The following GOLGA2 variants were observed in gnomAD, a reference collection of about 807,000 sequenced individuals.
The protein encoded by GOLGA2 is golgin subfamily A member 2.
Under a neutral mutation model 148.8 loss-of-function variants are expected in GOLGA2, and 49 were observed. The ratio of observed to expected loss-of-function variants is 0.33; its 90% CI spans 0.26 to 0.42. The LOEUF (loss-of-function observed/expected upper bound fraction) is 0.42. Among genes scored for constraint, GOLGA2 ranks in the 10% least tolerant of loss-of-function variants. The pLI is 1.00. For missense variants in GOLGA2, 1,178 were observed against 1,304.6 expected (o/e 0.90, Z 1.49); for synonymous variants, 501 against 511.8 (o/e 0.98, Z 0.28).
intron 12 of GOLGA2, among the ~76,000 whole-genome samples, chr9:128,264,238 T>C (rs1401690650): frequency 6.6e-6 from 1 of 150,700 alleles, no homozygotes; most frequent in East Asian, 2.0e-4. Flanking sequence ...TATGTATGTA[T>C]ATATGTATTT....
In GOLGA2 at chr9:128,257,922, G is replaced by A. The variant is rs780638770; in HGVS notation, c.2509-30C>T. On this transcript the variant is annotated intron_variant, in intron 23 of 26. Transcript: ENST00000611957. The surrounding 1 kb of genome is among the most constrained non-coding windows in gnomAD (Gnocchi z 8.0). ...AACCAAAATAATGGAGTCATATATC[G>A]GCAGCGACCTGCCCCGCCCCCACCC... The A allele has an allele frequency of 8.7e-6, 14 of 1,610,102 alleles. No homozygotes were observed. The highest frequency in any genetic ancestry group is 6.7e-5 in the Admixed American group (4 of 59,974).
At position 128,267,509 on chromosome 9, in the gene GOLGA2, T is replaced by G. The variant is rs754013748; in HGVS notation, c.510A>C (p.Thr170=). 1 of 1,612,282 alleles carries G rather than the reference T, an allele frequency of 6.2e-7. No individual in the cohort carries two copies. The highest frequency in any genetic ancestry group is 1.1e-5 in the South Asian group (1 of 91,038). Residue 170 remains threonine, a synonymous_variant, in exon 7 of 27, where the codon ACA becomes ACC. Coordinates refer to ENST00000611957, the MANE Select transcript of GOLGA2 (RefSeq NM_001366244.2). ...QLNGLVCESA[T]CVNGEGPASS... is the part of the protein sequence containing the mutation. ...ATGCAGGGCCCTCCCCATTGACACA[T>G]GTCGCAGACTATAAGAGACGAGAGT...
chr9:128,256,909 T>C lies in GOLGA2; in HGVS notation c.*158A>G. 3.5e-6 allele frequency: 2 copies of C among 576,164 alleles called. No homozygotes were observed. Among genetic ancestry groups the C allele is most frequent in the Middle Eastern group, 2.7e-4 (1 of 3,642 alleles). The allele number at this position is 576,164 out of a possible 1,614,324, so 35.7% of individuals were successfully genotyped here. A position where few individuals can be genotyped will look rare whatever the true frequency, so the allele number is the denominator to read the frequency against. ...TTAGTGGCCAGCTTTTAGATGACAG[T>C]GATCTTCACCTCATCTGCACCTGTC... On this transcript the variant is annotated 3_prime_UTR_variant, in exon 27 of 27. Transcript: ENST00000611957.
At chr9:128,272,362 T>C (rs1831008484) in intron 3 of GOLGA2, among the ~76,000 whole-genome samples, 1 of 151,938 alleles carries the variant, frequency 6.6e-6, no homozygotes, top group Admixed American at 6.6e-5. Flanking sequence ...CAGGCACCTG[T>C]AATCCCAGCT....
At chr9:128,275,528 G>A in intron 1 of GOLGA2, 3 of 1,296,064 alleles carry the variant, frequency 2.3e-6, no homozygotes, top group Non-Finnish European at 9.9e-7. Context: ...GGGGGCCCCG[G>A]GAGTCACGGG....
intron 2 of GOLGA2, chr9:128,273,612 A>G: frequency 1.8e-6 from 1 of 542,558 alleles, no homozygotes; most frequent in Non-Finnish European, 3.2e-6. Flanking sequence ...AAAAACAACA[A>G]TAACAAATCT....
At position 128,260,488 on chromosome 9, in the gene GOLGA2, G is replaced by A; in HGVS notation, c.1735C>T (p.Leu579=). ...NRELKEQLAE[L]QSGFVKLTNE... is the part of the protein sequence containing the mutation. ...ACCAGCTTTACAAATCCGCTCTGCA[G>A]CTCAGCCAGCTGCTCCTTGAGCTCC... Residue 579 remains leucine, a synonymous_variant, in exon 18 of 27, where the codon CTG becomes TTG. Coordinates refer to ENST00000611957, the MANE Select transcript of GOLGA2 (RefSeq NM_001366244.2). This position sits in a 1 kb window ranked among gnomAD's most constrained non-coding sequence, Gnocchi z 4.8. 1 of 1,611,814 alleles carries A rather than the reference G, an allele frequency of 6.2e-7. No homozygotes were observed.
chr9:128,268,273 T>G, intron 4 of GOLGA2, 113 bp from the exon 5 acceptor site: 1 of 1,186,278 alleles, frequency 8.4e-7, no homozygotes, highest in Non-Finnish European at 1.3e-6. Context: ...TCCCCAGGCC[T>G]CAAGGAAAAA....
At position 128,268,473 on chromosome 9, in the gene GOLGA2, G is replaced by T; in HGVS notation, c.340C>A (p.Pro114Thr). 1 of 1,612,192 alleles carries T rather than the reference G, an allele frequency of 6.2e-7. No individual in the cohort carries two copies. The change falls in exon 4 of 27, where the codon CCT becomes ACT. Residue 114 changes from proline (P) to threonine (T), a missense_variant. Pro to Thr is a conservative substitution (Grantham distance 38). This residue lies in a region of GOLGA2 where 158 missense variants were observed against 156.6 expected (regional missense o/e 1.01). Transcript: ENST00000611957. ...GCACCAGGGGAAGGGACACCGCCAG[G>T]TAACACGGTGTCATCAGATGGTTGT... ...TLQPSDDTVL[P>T]GGVPSPGASL...
Position 128,261,787 on chromosome 9 carries a change from C to A in GOLGA2, c.1135-30G>T, listed in dbSNP as rs1224136917. On this transcript the variant is annotated intron_variant, in intron 14 of 26. Transcript: ENST00000611957. The surrounding 1 kb of genome is among the most constrained non-coding windows in gnomAD (Gnocchi z 5.7). ...ATGGTGAAGAGCGAGAAGTTTAGAT[C>A]TGGGGAGCCCAGGCCGTTCCAAATA... 6 of 1,485,380 alleles carry A rather than the reference C, an allele frequency of 4.0e-6. No individual in the cohort carries two copies. The highest frequency in any genetic ancestry group is 5.6e-6 in the Non-Finnish European group (6 of 1,062,518). The allele number at this position is 1,485,380 out of a possible 1,614,324, so 92.0% of individuals were successfully genotyped here.
At chr9:128,265,461 C>T in intron 12 of GOLGA2, 124 bp downstream of exon 12, 2 of 791,238 alleles carry the variant, frequency 2.5e-6, no homozygotes, top group Non-Finnish European at 4.4e-6. Flanking sequence ...CACACAAAAG[C>T]AGTGATAAAT....
At chr9:128,262,490 G>C in intron 14 of GOLGA2, 73 bp downstream of exon 14, 1 of 1,445,650 alleles carries the variant, frequency 6.9e-7, no homozygotes, top group East Asian at 2.3e-5. Context: ...GTCTCCCCAT[G>C]CCCTGCATGA....
At chr9:128,275,758 T>C in intron 1 of GOLGA2, 135 bp downstream of exon 1, 3 of 594,560 alleles carry the variant, frequency 5.0e-6, no homozygotes, top group Non-Finnish European at 8.7e-6. Flanking sequence ...GACAAGACTT[T>C]GGTGGAGGGA....
chr9:128,267,047 G>A (rs1018858788), intron 8 of GOLGA2, 147 bp downstream of exon 8: 4 of 695,334 alleles, frequency 5.8e-6, no homozygotes, highest in Non-Finnish European at 1.0e-5. Flanking sequence ...TCCGTGCTCT[G>A]GGGTCCCTCC....
At position 128,260,921 on chromosome 9, in the gene GOLGA2, G is replaced by C. The variant is rs910781370; in HGVS notation, c.1421-119C>G. The C allele has an allele frequency of 2.6e-5, 19 of 738,518 alleles. No individual in the cohort carries two copies. Among genetic ancestry groups the C allele is most frequent in the Non-Finnish European group, 4.0e-5 (18 of 451,734 alleles). 45.7% of individuals were successfully genotyped at this position (738,518 alleles called of 1,614,324 possible). Reference sequence around the variant, plus strand: ...CCCTGCTGATGATTCCTCGCACCCGGATGTTAGCCAATCTTCCAAACCACT... The same window carrying C: ...CCCTGCTGATGATTCCTCGCACCCGCATGTTAGCCAATCTTCCAAACCACT... On this transcript the variant is annotated intron_variant, in intron 17 of 26. Transcript: ENST00000611957. This position sits in a 1 kb window ranked among gnomAD's most constrained non-coding sequence, Gnocchi z 4.8.
intron 4 of GOLGA2, 89 bp downstream of exon 4, chr9:128,268,331 G>C (rs932532780): frequency 9.7e-7 from 1 of 1,031,306 alleles, no homozygotes; most frequent in African/African-American, 1.6e-5. Flanking sequence ...AAGGGCCCTT[G>C]ACCCTAGGGA....
In GOLGA2 at chr9:128,265,843, T is replaced by G; in HGVS notation, c.771A>C (p.Lys257Asn). The change falls in exon 11 of 27, where the codon AAA (lysine) becomes AAC (asparagine). Residue 257 changes from lysine to asparagine, a missense_variant. By Grantham distance (94) the Lys-to-Asn change is moderately conservative. Transcript: ENST00000611957. ...GAGCCAGGGCTGTCTGTAACTCAGC[T>G]TTCTCTGATACGAGGATCCCTATGG... is the stretch of plus-strand genomic sequence containing the variant. ...IQTIGILVSE[K>N]AELQTALAHT... is the part of the protein sequence containing the mutation. The G allele has an allele frequency of 6.2e-7, 1 of 1,613,966 alleles. No homozygotes were observed.
intron 4 of GOLGA2, 110 bp downstream of exon 4, chr9:128,268,310 C>G: frequency 4.9e-6 from 5 of 1,028,132 alleles, no homozygotes; most frequent in African/African-American, 1.6e-5. Context: ...TCCCCCGGCC[C>G]GGTCCCCAGG....
At position 128,258,216 on chromosome 9, in the gene GOLGA2, G is replaced by T; in HGVS notation, c.2290-18C>A. On this transcript the variant is annotated intron_variant, in intron 22 of 26. Transcript: ENST00000611957. This position sits in a 1 kb window ranked among gnomAD's most constrained non-coding sequence, Gnocchi z 6.6. Reference sequence around the variant, plus strand: ...AATGCCACCTGCAGGCAAGAGGGGTGCATTCTTGTAGGAGGATATATAGGA... The same window carrying T: ...AATGCCACCTGCAGGCAAGAGGGGTTCATTCTTGTAGGAGGATATATAGGA... 1.9e-6 allele frequency: 3 copies of T among 1,551,864 alleles called. No individual in the cohort carries two copies.
Sources: allele counts gnomAD v4.1 joint callset (sites outside exome capture counted in the v4.1 genomes callset), GRCh38; gene constraint gnomAD v4.1.1; regional missense constraint gnomAD v4.1.1; non-coding constraint Gnocchi (gnomAD v3.1); transcripts MANE v1.5; gene names NCBI Gene and HGNC (gene_info 2026-07-23, HGNC 2026-07-21).